The following RIN1 variants were observed in gnomAD, a reference collection of about 807,000 sequenced individuals.
The protein encoded by RIN1 is Ras and Rab interactor 1, also known as ras inhibitor 1.
In RIN1, 52 loss-of-function variants were observed where a neutral mutation model predicts 64.9. That is an observed-to-expected ratio of 0.80 (90% CI 0.64 to 1.01). The LOEUF is 1.01. RIN1 is among the 50% of genes least tolerant of loss of function. The probability of loss-of-function intolerance (pLI) is 0.00; values close to 1 mark genes in which losing one functional copy is unlikely to be tolerated. For missense variants in RIN1, 1,040 were observed against 1,064.5 expected, an observed-to-expected ratio of 0.98 and a Z score of 0.32; for synonymous variants, 486 against 483.6, an observed-to-expected ratio of 1.00 and a Z score of -0.06.
Position 66,332,520 on chromosome 11 carries a change from C to T in RIN1, c.2108G>A (p.Arg703Gln), listed in dbSNP as rs78789510. ...LPTTGYLVYR[R>Q]AEWPETQGAV... is the part of the protein sequence containing the mutation. ...CCCCTGGGTCTCAGGCCACTCCGCC[C>T]GGCGGTAGACGAGGTAGCCAGTGGT... Residue 703 changes from arginine (R) to glutamine (Q), a missense_variant, in exon 10 of 10, where the codon CGG becomes CAG. Transcript: ENST00000311320. The T allele has an allele frequency of 2.5e-5, 41 of 1,613,816 alleles. No homozygotes were observed. The African/African-American group carries it at 3.7e-4, about 15-fold the overall frequency.
At chr11:66,333,233 G>A (rs1854780467) in intron 9 of RIN1, 25 bp downstream of exon 9, 1 of 1,607,152 alleles carries the variant, frequency 6.2e-7, no homozygotes, top group Non-Finnish European at 8.5e-7. Context: ...GTCTGGCTCT[G>A]AGGACACGGT....
In RIN1 at chr11:66,333,281, G is replaced by A. The variant is rs1194956101; in HGVS notation, c.1852C>T (p.Leu618=). The A allele has an allele frequency of 3.0e-5, 48 of 1,611,408 alleles. No homozygotes were observed. Among genetic ancestry groups the A allele is most frequent in the Non-Finnish European group, 3.8e-5 (45 of 1,179,988 alleles). Residue 618 remains leucine, a synonymous_variant, in exon 9 of 10, where the codon CTG becomes TTG. Coordinates refer to ENST00000311320, the MANE Select transcript of RIN1 (RefSeq NM_004292.3). ...ACCTGGAAGCAGTGGGTGGCAGGCA[G>A]GCGGCGCTGCTCCCAGAGGCTGAGG... is the stretch of plus-strand genomic sequence containing the variant. ...RSLSLWEQRR[L]PATHCFQHLL...
At position 66,333,358 on chromosome 11, in the gene RIN1, A is replaced by G; in HGVS notation, c.1775T>C (p.Leu592Pro). The G allele has an allele frequency of 2.5e-6, 4 of 1,612,886 alleles. No individual in the cohort carries two copies. Among genetic ancestry groups the G allele is most frequent in the Non-Finnish European group, 2.5e-6 (3 of 1,179,594 alleles). Residue 592 changes from leucine (L) to proline (P), a missense_variant, in exon 9 of 10, where the codon CTG becomes CCG. By Grantham distance (98) the Leu-to-Pro change is moderately conservative. Coordinates refer to ENST00000311320, the MANE Select transcript of RIN1 (RefSeq NM_004292.3). ...CAGTGGGAGGGTGTGGGCCTGACCCAGGCCACTCAGCAGGGCCAGGCTGGC... is the reference window on the plus strand; with the variant it reads ...CAGTGGGAGGGTGTGGGCCTGACCCGGGCCACTCAGCAGGGCCAGGCTGGC... Reference protein sequence around the residue: ...LSASLALLSGLGQAHTLPLSP... With the variant: ...LSASLALLSGPGQAHTLPLSP...
chr11:66,332,692 C>A lies in RIN1; in HGVS notation c.1936G>T (p.Val646Leu). 1.3e-6 allele frequency: 2 copies of A among 1,550,018 alleles called. No homozygotes were observed. Among genetic ancestry groups the A allele is most frequent in the African/African-American group, 1.4e-5 (1 of 73,074 alleles). Residue 646 changes from valine to leucine, a missense_variant, in exon 10 of 10, where the codon GTG (valine) becomes TTG (leucine). Val to Leu is a conservative substitution (Grantham distance 32, BLOSUM62 1). Transcript: ENST00000311320. ...GTGGCAATCGAGGCTTCTGGGGGCACGGCCAGGGTCTTGGAGGTGCAGCCA... is the reference window on the plus strand; with the variant it reads ...GTGGCAATCGAGGCTTCTGGGGGCAAGGCCAGGGTCTTGGAGGTGCAGCCA... ...SSGCTSKTLAVPPEASIATLN... is the reference protein window; with the variant it reads ...SSGCTSKTLALPPEASIATLN...
Position 66,333,302 on chromosome 11 carries a change from T to A in RIN1, c.1831A>T (p.Ser611Cys). 1 of 1,612,460 alleles carries A rather than the reference T, an allele frequency of 6.2e-7. No individual in the cohort carries two copies. Reference protein sequence around the residue: ...SPVQELRRSLSLWEQRRLPAT... With the variant: ...SPVQELRRSLCLWEQRRLPAT... ...GGCAGGCGGCGCTGCTCCCAGAGGC[T>A]GAGGGAGCGCCGTAGCTCCTGCACG... is the stretch of plus-strand genomic sequence containing the variant. Residue 611 changes from serine (S) to cysteine (C), a missense_variant, in exon 9 of 10, where the codon AGC (serine) becomes TGC (cysteine). Ser to Cys is a moderately radical substitution (Grantham distance 112, BLOSUM62 -1). Transcript: ENST00000311320.
Position 66,334,197 on chromosome 11 carries a change from C to A in RIN1, c.1313G>T (p.Cys438Phe), listed in dbSNP as rs1263178901. 2 of 1,289,118 alleles carry A rather than the reference C, an allele frequency of 1.6e-6. No individual in the cohort carries two copies. Among genetic ancestry groups the A allele is most frequent in the East Asian group, 4.0e-5 (1 of 24,792 alleles). 79.9% of individuals were successfully genotyped at this position (1,289,118 alleles called of 1,614,324 possible). A position where few individuals can be genotyped will look rare whatever the true frequency, so the allele number is the denominator to read the frequency against. Residue 438 changes from cysteine (C) to phenylalanine (F), a missense_variant, in exon 7 of 10, where the codon TGC (cysteine) becomes TTC (phenylalanine). By Grantham distance (205) the Cys-to-Phe change is radical (BLOSUM62 -2). Coordinates refer to ENST00000311320, the MANE Select transcript of RIN1 (RefSeq NM_004292.3). ...LEHVLEKSLH[C>F]SVLKPLRPIL... ...GGGCCGGAGAGGCTTGAGCACAGAG[C>A]AATGCAATGACTTCTCCAGGACATG...
rs144651587 is a variant in RIN1 at position 66,332,293 on chromosome 11, G to A, written c.2335C>T (p.Arg779Trp). The change falls in exon 10 of 10, where the codon CGG (arginine) becomes TGG (tryptophan). Residue 779 changes from arginine (R) to tryptophan (W), a missense_variant. Arg to Trp is a moderately radical substitution (Grantham distance 101). Transcript: ENST00000311320. ...ACTTCAAGCTACTCCTCTGCTGCCC[G>A]GCTTCCCTCTGCCTCTGGTTCCCCT... ...QPGEPEAEGSRAAEE is the reference protein window; with the variant it reads ...QPGEPEAEGSWAAEE 4.0e-5 allele frequency: 65 copies of A among 1,614,012 alleles called. No homozygotes were observed. In the African/African-American group the frequency reaches 6.4e-4, roughly 16 times the overall value.
chr11:66,333,289 T>C lies in RIN1; in HGVS notation c.1844A>G (p.Gln615Arg). The C allele has an allele frequency of 6.2e-7, 1 of 1,611,864 alleles. No homozygotes were observed. The change falls in exon 9 of 10, where the codon CAG becomes CGG. Residue 615 changes from glutamine to arginine, a missense_variant. Coordinates refer to ENST00000311320, the MANE Select transcript of RIN1 (RefSeq NM_004292.3). ...GCAGTGGGTGGCAGGCAGGCGGCGC[T>C]GCTCCCAGAGGCTGAGGGAGCGCCG... ...ELRRSLSLWE[Q>R]RRLPATHCFQ...
Position 66,336,377 on chromosome 11 carries a change from G to T in RIN1, c.26C>A (p.Ala9Glu). Residue 9 changes from alanine to glutamate, a missense_variant, in exon 1 of 10, where the codon GCG becomes GAG. Coordinates refer to ENST00000311320, the MANE Select transcript of RIN1 (RefSeq NM_004292.3). ...CGGGCTGGGGGCTCCAGGAGAGCCC[G>T]CGCCTGACTCTCCAGGGCTTTCCAT... MESPGESG[A>E]GSPGAPSPSS... The T allele has an allele frequency of 2.5e-6, 4 of 1,613,532 alleles. No individual in the cohort carries two copies. The highest frequency in any genetic ancestry group is 3.4e-6 in the Non-Finnish European group (4 of 1,179,812).
chr11:66,333,381 G>C lies in RIN1; in HGVS notation c.1752C>G (p.Ala584=). 6.2e-7 allele frequency: 1 copy of C among 1,611,034 alleles called. No homozygotes were observed. Among genetic ancestry groups the C allele is most frequent in the Non-Finnish European group, 8.5e-7 (1 of 1,178,276 alleles). The change falls in exon 9 of 10, where the codon GCC becomes GCG. Residue 584 remains alanine (A), a synonymous_variant. Transcript: ENST00000311320. ...CCAGGCCACTCAGCAGGGCCAGGCTGGCAGAGAGGCTGGTCAGGTAGTAGC... is the reference window on the plus strand; with the variant it reads ...CCAGGCCACTCAGCAGGGCCAGGCTCGCAGAGAGGCTGGTCAGGTAGTAGC... ...EGGYYLTSLS[A]SLALLSGLGQ... is the part of the protein sequence containing the mutation.
rs567298437 is a variant in RIN1, at chr11:66,334,714, C to T, written c.1085G>A (p.Arg362Gln). ...AAFCSLLAPE[R>Q]QVGRAAAALM... ...TGCTGCCGCAGCCCGGCCCACCTGC[C>T]GCTCCGGTGCCAGTAGGGAGCAGAA... The change falls in exon 6 of 10, where the codon CGG (arginine) becomes CAG (glutamine). Residue 362 changes from arginine (R) to glutamine (Q), a missense_variant. Coordinates refer to ENST00000311320, the MANE Select transcript of RIN1 (RefSeq NM_004292.3). The T allele has an allele frequency of 6.6e-5, 103 of 1,549,446 alleles. No homozygotes were observed. In the Middle Eastern group the frequency reaches 8.8e-4, roughly 13 times the overall value.
chr11:66,332,635 C>T lies in RIN1; in HGVS notation c.1993G>A (p.Val665Met). 2 of 1,600,444 alleles carry T rather than the reference C, an allele frequency of 1.2e-6. No individual in the cohort carries two copies. The highest frequency in any genetic ancestry group is 1.7e-6 in the Non-Finnish European group (2 of 1,172,074). ...AGGCCAAAAGTGTTGGGCTGGGTCA[C>T]TCGGAACTTGGTGGCACAGAGCTGG... ...LNQLCATKFR[V>M]TQPNTFGLFL... Residue 665 changes from valine (V) to methionine (M), a missense_variant, in exon 10 of 10, where the codon GTG (valine) becomes ATG (methionine). Val to Met is a conservative substitution (Grantham distance 21, BLOSUM62 1). Transcript: ENST00000311320.
At position 66,336,413 on chromosome 11, in the gene RIN1, T is replaced by G; in HGVS notation, c.-11A>C. On this transcript the variant is annotated 5_prime_UTR_variant, in exon 1 of 10. Coordinates refer to ENST00000311320, the MANE Select transcript of RIN1 (RefSeq NM_004292.3). ...TCCAGGGCTTTCCATGGCTGGGAGC[T>G]CCTTCGCTTCAGGAAGAGAATCCAG... 6.2e-7 allele frequency: 1 copy of G among 1,609,322 alleles called. No individual in the cohort carries two copies. Among genetic ancestry groups the G allele is most frequent in the South Asian group, 1.1e-5 (1 of 90,102 alleles).
In RIN1 at chr11:66,333,526, C is replaced by A. The variant is rs372398563; in HGVS notation, c.1723+1G>T. ...CAGGGAGGTGGGTGGGGGTCCCTCA[C>A]CCTCTCCAGTAAGCAGGCTGGGCTC... On this transcript the variant is annotated splice_donor_variant, in intron 8 of 9. Coordinates refer to ENST00000311320, the MANE Select transcript of RIN1 (RefSeq NM_004292.3). LOFTEE classifies it high-confidence loss of function. 9 of 1,612,934 alleles carry A rather than the reference C, an allele frequency of 5.6e-6. No homozygotes were observed. The highest frequency in any genetic ancestry group is 5.9e-6 in the Non-Finnish European group (7 of 1,179,880).
rs7943794 is a variant in RIN1, at chr11:66,330,702, G to T, written c.*1574C>A. 3,435 of 152,466 alleles carry T rather than the reference G, an allele frequency of 0.023. 115 individuals are homozygous for T. Among genetic ancestry groups the T allele is most frequent in the African/African-American group, 0.073 (3,033 of 41,556 alleles). The allele number at this position is 152,466 out of a possible 1,614,324, so 9.4% of individuals were successfully genotyped here. A position where few individuals can be genotyped will look rare whatever the true frequency, so the allele number is the denominator to read the frequency against. On this transcript the variant is annotated 3_prime_UTR_variant, in exon 10 of 10. Coordinates refer to ENST00000311320, the MANE Select transcript of RIN1 (RefSeq NM_004292.3). Reference sequence around the variant, plus strand: ...GAATCACTTGAACTGGGAGGCGAAGGTTGCTGTGAGCCGAGATGGCACCAC... The same window carrying T: ...GAATCACTTGAACTGGGAGGCGAAGTTTGCTGTGAGCCGAGATGGCACCAC...
Position 66,332,546 on chromosome 11 carries a change from G to A in RIN1, c.2082C>T (p.Pro694=), listed in dbSNP as rs375771459. ...LPPGALAHRL[P]TTGYLVYRRA... ...GGCGGTAGACGAGGTAGCCAGTGGTGGGCAGCCTGTGGGCCAGGGCCCCAG... is the reference window on the plus strand; with the variant it reads ...GGCGGTAGACGAGGTAGCCAGTGGTAGGCAGCCTGTGGGCCAGGGCCCCAG... Residue 694 remains proline, a synonymous_variant, in exon 10 of 10, where the codon CCC becomes CCT. Transcript: ENST00000311320. 3 of 1,613,204 alleles carry A rather than the reference G, an allele frequency of 1.9e-6. No individual in the cohort carries two copies. Among genetic ancestry groups the A allele is most frequent in the Non-Finnish European group, 2.5e-6 (3 of 1,179,406 alleles).
At chr11:66,334,460 G>A (rs1427125094) in intron 6 of RIN1, 54 bp downstream of exon 6, 16 of 1,576,212 alleles carry the variant, frequency 1.0e-5, no homozygotes, top group Non-Finnish European at 1.4e-5. Flanking sequence ...GCTGTGGAGG[G>A]GAGCAGAGGG....
In RIN1 at chr11:66,331,915, G is replaced by A. The variant is rs1854740311; in HGVS notation, c.*361C>T. The A allele has an allele frequency of 3.4e-6, 1 of 291,086 alleles. No individual in the cohort carries two copies. The allele number at this position is 291,086 out of a possible 1,614,324, so 18.0% of individuals were successfully genotyped here. A position where few individuals can be genotyped will look rare whatever the true frequency, so the allele number is the denominator to read the frequency against. On this transcript the variant is annotated 3_prime_UTR_variant, in exon 10 of 10. Transcript: ENST00000311320. ...TTGGGTGGAGCCCTGCCTCAGCCAT[G>A]CCCATGAGGGGAAGGGTAAAAGGAG...
Position 66,335,405 on chromosome 11 carries a change from A to G in RIN1, c.547+2T>C. 6.2e-7 allele frequency: 1 copy of G among 1,606,052 alleles called. No homozygotes were observed. Among genetic ancestry groups the G allele is most frequent in the Non-Finnish European group, 8.5e-7 (1 of 1,174,508 alleles). On this transcript the variant is annotated splice_donor_variant, in intron 5 of 9. Coordinates refer to ENST00000311320, the MANE Select transcript of RIN1 (RefSeq NM_004292.3). LOFTEE classifies it high-confidence loss of function. The stretch of plus-strand genomic sequence containing the variant: ...GTGCAATGGGTGGCAGGAAGCCCTT[A>G]CCAATGCCCAGATGGGAGATGGCCT...
Sources: gnomAD v4.1 joint callset for allele counts on GRCh38, gnomAD v4.1.1 for gene constraint, MANE v1.5 for transcripts, NCBI Gene and HGNC (gene_info 2026-07-23, HGNC 2026-07-21) for gene names.